The following RUNDC3B variants were observed in gnomAD, a reference collection of about 807,000 sequenced individuals.
RUNDC3B encodes the protein RUN domain-containing protein 3B.
In RUNDC3B, 33 loss-of-function variants were observed where a neutral mutation model predicts 58.4. That is an observed-to-expected ratio of 0.56 (90% CI 0.43 to 0.75). RUNDC3B has a LOEUF of 0.75. RUNDC3B is among the 30% of genes least tolerant of loss of function. The probability of loss-of-function intolerance (pLI) is 0.00; values close to 1 mark genes in which losing one functional copy is unlikely to be tolerated. For missense variants in RUNDC3B, 501 were observed against 535.7 expected (o/e 0.94, Z 0.64); for synonymous variants, 193 against 195.2 (o/e 0.99, Z 0.10).
At chr7:87,814,617 T>C (rs1195825787) in intron 9 of RUNDC3B, among the ~76,000 whole-genome samples, 1 of 152,196 alleles carries the variant, frequency 6.6e-6, no homozygotes, top group Non-Finnish European at 1.5e-5. Flanking sequence ...ATATAATATA[T>C]GTAGACAAGT....
chr7:87,796,179 C>T (rs1375442665), intron 8 of RUNDC3B, among the ~76,000 whole-genome samples: 1 of 152,104 alleles, frequency 6.6e-6, no homozygotes, highest in East Asian at 1.9e-4. Context: ...TTGGAGGTCA[C>T]TGTGTTAAGT....
chr7:87,703,915 T>TTTTTTTTTTTTTTTTTTTTTTG (rs1829353569), intron 3 of RUNDC3B, among the ~76,000 whole-genome samples: 1 of 18,530 alleles, frequency 5.4e-5, no homozygotes, highest in Non-Finnish European at 1.1e-4. Flanking sequence ...TTTTTTTTGG[T>TTTTTTTTTTTTTTTTTTTTTTG]TTTTTTTTTT....
At chr7:87,652,861 A>G (rs1186738358) in intron 2 of RUNDC3B, among the ~76,000 whole-genome samples, 3 of 151,932 alleles carry the variant, frequency 2.0e-5, no homozygotes, top group African/African-American at 7.2e-5. Context: ...CCTTTACAGA[A>G]GTACAAATTA....
At chr7:87,773,834 C>T (rs1240832735) in intron 7 of RUNDC3B, among the ~76,000 whole-genome samples, 2 of 151,982 alleles carry the variant, frequency 1.3e-5, no homozygotes, top group African/African-American at 4.8e-5. Context: ...TGTGACACCA[C>T]ACCTGGCCAA....
At chr7:87,756,882 A>G (rs1401325542) in intron 6 of RUNDC3B, among the ~76,000 whole-genome samples, 1 of 152,012 alleles carries the variant, frequency 6.6e-6, no homozygotes, top group Admixed American at 6.6e-5. Flanking sequence ...ATTAGATAAT[A>G]CCCTCTCCCT....
At chr7:87,681,968 G>T (rs564900825) in intron 2 of RUNDC3B, among the ~76,000 whole-genome samples, 7 of 152,272 alleles carry the variant, frequency 4.6e-5, no homozygotes, top group African/African-American at 1.7e-4. Context: ...TTCAAAATTG[G>T]AGTCAATACT....
chr7:87,709,416 A>C, intron 3 of RUNDC3B: 5 of 985,368 alleles, frequency 5.1e-6, no homozygotes, highest in Non-Finnish European at 6.0e-6. Context: ...CCTCTGTTCC[A>C]ATCAGCTACA....
At chr7:87,699,822 G>A (rs1828858009) in intron 2 of RUNDC3B, among the ~76,000 whole-genome samples, 1 of 152,236 alleles carries the variant, frequency 6.6e-6, no homozygotes, top group East Asian at 1.9e-4. Context: ...AACTGGAAGA[G>A]AGCAAACAAA....
chr7:87,628,983 CG>C (rs1049177916), intron 1 of RUNDC3B, 38 bp downstream of exon 1: 2 of 1,303,634 alleles, frequency 1.5e-6, no homozygotes, highest in Non-Finnish European at 2.0e-6. Context: ...AGCCTCCCGC[CG>C]GGGCTGAGAG....
intron 2 of RUNDC3B, among the ~76,000 whole-genome samples, chr7:87,680,932 T>C (rs1826869280): frequency 6.6e-6 from 1 of 150,656 alleles, no homozygotes; most frequent in Non-Finnish European, 1.5e-5. Context: ...TAATTGGTGA[T>C]ATGAAAGGAT....
At chr7:87,659,051 G>A (rs571032121) in intron 2 of RUNDC3B, among the ~76,000 whole-genome samples, 2 of 152,204 alleles carry the variant, frequency 1.3e-5, no homozygotes, top group South Asian at 2.1e-4. Flanking sequence ...CTATTTGGGC[G>A]GCTGAGGTGG....
chr7:87,777,327 G>A (rs969460165), intron 7 of RUNDC3B, among the ~76,000 whole-genome samples: 4 of 152,154 alleles, frequency 2.6e-5, no homozygotes, highest in African/African-American at 9.7e-5. Context: ...ACTTGCCCAA[G>A]GACACATAGC....
intron 2 of RUNDC3B, among the ~76,000 whole-genome samples, chr7:87,692,640 A>T (rs761297406): frequency 2.6e-5 from 4 of 152,166 alleles, no homozygotes; most frequent in Non-Finnish European, 5.9e-5. Context: ...TTTTACTTTG[A>T]TAAGTTTTTA....
chr7:87,679,170 GCAAGC>G (rs1826676129), intron 2 of RUNDC3B, among the ~76,000 whole-genome samples: 2 of 136,942 alleles, frequency 1.5e-5, no homozygotes, highest in Non-Finnish European at 3.0e-5. Flanking sequence ...TTGGCTCACT[GCAAGC>G]TCCTCCTCCT....
intron 2 of RUNDC3B, chr7:87,693,973 T>C: frequency 6.2e-7 from 1 of 1,611,640 alleles, no homozygotes; most frequent in Non-Finnish European, 8.5e-7. Flanking sequence ...TCTATGCTGG[T>C]GATGTCTCCC....
intron 9 of RUNDC3B, among the ~76,000 whole-genome samples, chr7:87,814,734 T>C (rs1008566774): frequency 1.2e-4 from 19 of 152,174 alleles, no homozygotes; most frequent in African/African-American, 4.6e-4. Context: ...TTTCCTGCAA[T>C]AGTAGAATTT....
intron 1 of RUNDC3B, among the ~76,000 whole-genome samples, chr7:87,646,838 G>A (rs1267184615): frequency 6.6e-6 from 1 of 151,966 alleles, no homozygotes; most frequent in Non-Finnish European, 1.5e-5. Flanking sequence ...TTATCTTTTT[G>A]TTTCTATCCA....
chr7:87,757,252 A>G (rs998701006), intron 6 of RUNDC3B, among the ~76,000 whole-genome samples: 1 of 152,122 alleles, frequency 6.6e-6, no homozygotes, highest in Non-Finnish European at 1.5e-5. Context: ...CCTATATACT[A>G]TAGTTATGCT....
intron 10 of RUNDC3B, among the ~76,000 whole-genome samples, chr7:87,823,772 G>C (rs1260634588): frequency 6.7e-6 from 1 of 150,060 alleles, no homozygotes; most frequent in African/African-American, 2.5e-5. Flanking sequence ...TGAATGAGTA[G>C]TATTCCATTT....
Sources: gnomAD v4.1 joint callset for allele counts (sites outside exome capture counted in the v4.1 genomes callset) on GRCh38, gnomAD v4.1.1 for gene constraint, MANE v1.5 for transcripts, NCBI Gene and HGNC (gene_info 2026-07-23, HGNC 2026-07-21) for gene names.